The following AKT3 variants were observed in gnomAD, a reference collection of about 807,000 sequenced individuals.
AKT3 encodes the protein RAC-gamma serine/threonine-protein kinase.
AKT3 carries 15 observed loss-of-function variants against 65.3 expected under a neutral mutation model. That is an observed-to-expected ratio of 0.23 (90% CI 0.15 to 0.35). The LOEUF (loss-of-function observed/expected upper bound fraction) is 0.35, where lower values mean the gene tolerates loss of function less well. AKT3 is among the 10% of genes least tolerant of loss of function. The probability of loss-of-function intolerance (pLI) is 1.00; values close to 1 mark genes in which losing one functional copy is unlikely to be tolerated. For missense variants in AKT3, 243 were observed against 576.5 expected (o/e 0.42, Z 5.92); for synonymous variants, 206 against 183.8 (o/e 1.12, Z -0.98).
intron 4 of AKT3, among the ~76,000 whole-genome samples, 196 bp downstream of exon 4, chr1:243,664,576 C>A (rs1356788448): frequency 1.3e-5 from 2 of 151,994 alleles, no homozygotes; most frequent in Non-Finnish European, 2.9e-5. Flanking sequence ...TTCTAGCATG[C>A]CCAGAGGTTC....
chr1:243,741,753 T>C (rs1287286660), intron 2 of AKT3: 1 of 152,142 alleles, frequency 6.6e-6, no homozygotes, highest in Non-Finnish European at 1.5e-5. Context: ...TGATAAAACA[T>C]AAAATACTTC....
intron 2 of AKT3, among the ~76,000 whole-genome samples, chr1:243,784,579 G>A (rs568360350): frequency 3.3e-5 from 5 of 152,240 alleles, no homozygotes; most frequent in East Asian, 1.9e-4. Flanking sequence ...TGGCCCCTCC[G>A]AGTTCTGGCA....
intron 2 of AKT3, among the ~76,000 whole-genome samples, chr1:243,718,830 T>C (rs1686690409): frequency 6.6e-6 from 1 of 152,204 alleles, no homozygotes; most frequent in Non-Finnish European, 1.5e-5. Flanking sequence ...TTTTTTCTTT[T>C]TAAATATTCT....
At chr1:243,641,971 T>A (rs756177699) in intron 5 of AKT3, among the ~76,000 whole-genome samples, 2 of 151,914 alleles carry the variant, frequency 1.3e-5, no homozygotes, top group African/African-American at 2.4e-5. Context: ...ATAGTAAAAT[T>A]GCAATTCTTA....
At chr1:243,691,161 G>C (rs1684664717) in intron 3 of AKT3, among the ~76,000 whole-genome samples, 1 of 152,190 alleles carries the variant, frequency 6.6e-6, no homozygotes, top group African/African-American at 2.4e-5. Flanking sequence ...GAGGACCAAA[G>C]GACATTCCAA....
At chr1:243,724,452 A>T (rs1312965854) in intron 2 of AKT3, among the ~76,000 whole-genome samples, 1 of 152,232 alleles carries the variant, frequency 6.6e-6, no homozygotes, top group Non-Finnish European at 1.5e-5. Context: ...TTTAGTTTTC[A>T]AAAGCATATT....
Position 243,503,715 on chromosome 1 carries a change from C to CT in AKT3, c.*1533dup, listed in dbSNP as rs1260342645. 1.3e-5 allele frequency: 3 copies of CT among 231,960 alleles called. No homozygotes were observed. The highest frequency in any genetic ancestry group is 5.6e-5 in the Admixed American group (1 of 17,716). The allele number at this position is 231,960 out of a possible 1,614,324, so 14.4% of individuals were successfully genotyped here. A position where few individuals can be genotyped will look rare whatever the true frequency, so the allele number is the denominator to read the frequency against. On this transcript the variant is annotated 3_prime_UTR_variant, in exon 14 of 14. Coordinates refer to ENST00000673466, the MANE Select transcript of AKT3 (RefSeq NM_005465.7). The stretch of plus-strand genomic sequence containing the variant: ...GAAAAAGAAAAGCTGGAGGTGTTCT[C>CT]TTTTTTTGTTGTTTTTTCCCTGATG...
At chr1:243,682,796 T>C (rs1684013165) in intron 3 of AKT3, among the ~76,000 whole-genome samples, 1 of 152,208 alleles carries the variant, frequency 6.6e-6, no homozygotes, top group Admixed American at 6.5e-5. Flanking sequence ...GCTATTCTTG[T>C]TACCTGGAAA....
At chr1:243,742,945 C>A (rs1404948286) in intron 2 of AKT3, among the ~76,000 whole-genome samples, 1 of 151,626 alleles carries the variant, frequency 6.6e-6, no homozygotes, top group Admixed American at 6.6e-5. Context: ...TAGCTTATTA[C>A]ATAAACTTTA....
chr1:243,791,005 G>T (rs1691598619), intron 2 of AKT3, among the ~76,000 whole-genome samples: 1 of 152,126 alleles, frequency 6.6e-6, no homozygotes, highest in Admixed American at 6.5e-5. Context: ...AATACTGCAA[G>T]AATTACCCAA....
At chr1:243,785,282 G>A (rs551904437) in intron 2 of AKT3, among the ~76,000 whole-genome samples, 2 of 148,244 alleles carry the variant, frequency 1.3e-5, no homozygotes, top group South Asian at 4.3e-4. Flanking sequence ...GTTTCACCGT[G>A]TTAGTCAGGA....
At chr1:243,771,582 C>CA (rs1467824309) in intron 2 of AKT3, among the ~76,000 whole-genome samples, 5 of 152,066 alleles carry the variant, frequency 3.3e-5, no homozygotes, top group African/African-American at 7.2e-5. Context: ...TAGCTATCTG[C>CA]AAAAAACAAA....
intron 9 of AKT3, among the ~76,000 whole-genome samples, chr1:243,571,404 C>G (rs1674553759): frequency 6.6e-6 from 1 of 152,168 alleles, no homozygotes; most frequent in Admixed American, 6.5e-5. Context: ...ATAATCAATA[C>G]TGCAATCAAA....
chr1:243,567,010 T>C lies in AKT3; in HGVS notation c.820-3162A>G, dbSNP rs536804160. On this transcript the variant is annotated intron_variant, in intron 9 of 13. Coordinates refer to ENST00000673466, the MANE Select transcript of AKT3 (RefSeq NM_005465.7). Reference sequence around the variant, plus strand: ...GTAACAAAACACAGGCTAGGCACAGTGGCTCATGCCTGTAATCCCAACAAT... The same window carrying C: ...GTAACAAAACACAGGCTAGGCACAGCGGCTCATGCCTGTAATCCCAACAAT... Among the ~76,000 whole-genome samples, 3 of 152,338 alleles carry C rather than the reference T, an allele frequency of 2.0e-5. No individual in the cohort carries two copies. The East Asian group carries it at 5.8e-4, about 29-fold the overall frequency.
At chr1:243,633,653 CAA>C (rs1489655793) in intron 6 of AKT3, among the ~76,000 whole-genome samples, 1 of 151,680 alleles carries the variant, frequency 6.6e-6, no homozygotes, top group African/African-American at 2.4e-5. Context: ...CAGGAAATGA[CAA>C]GAGAATTAAA....
chr1:243,685,543 T>C (rs1327587641), intron 3 of AKT3, among the ~76,000 whole-genome samples: 1 of 152,232 alleles, frequency 6.6e-6, no homozygotes, highest in African/African-American at 2.4e-5. Flanking sequence ...TCTACATGTC[T>C]GTTTTGGTAC....
At chr1:243,592,429 G>A (rs1676300082) in intron 8 of AKT3, among the ~76,000 whole-genome samples, 1 of 151,796 alleles carries the variant, frequency 6.6e-6, no homozygotes, top group Non-Finnish European at 1.5e-5. Context: ...ATAATCAATA[G>A]CTGAAAGGAA....
intron 2 of AKT3, among the ~76,000 whole-genome samples, chr1:243,728,049 T>TA (rs1337821133): frequency 6.6e-6 from 1 of 152,140 alleles, no homozygotes; most frequent in Non-Finnish European, 1.5e-5. Flanking sequence ...ACTTGAAGAC[T>TA]AAAACTATCA....
chr1:243,668,348 A>T lies in AKT3; in HGVS notation c.173-3465T>A, dbSNP rs888620322. Among the ~76,000 whole-genome samples, 3 of 152,214 alleles carry T rather than the reference A, an allele frequency of 2.0e-5. No homozygotes were observed. The East Asian group carries it at 5.8e-4, about 29-fold the overall frequency. On this transcript the variant is annotated intron_variant, in intron 3 of 13. Coordinates refer to ENST00000673466, the MANE Select transcript of AKT3 (RefSeq NM_005465.7). ...TAATCAGGAGTATAAATAGTTTAGT[A>T]ATAAAATAAAAGAGAAGATATAAGG...
Sources: gnomAD v4.1 joint callset for allele counts (sites outside exome capture counted in the v4.1 genomes callset) on GRCh38, gnomAD v4.1.1 for gene constraint, MANE v1.5 for transcripts, NCBI Gene and HGNC (gene_info 2026-07-23, HGNC 2026-07-21) for gene names.